The following RARB variants were observed in gnomAD, a reference collection of about 807,000 sequenced individuals.
RARB encodes the protein retinoic acid receptor beta, also known as HBV-activated protein.
A neutral mutation model predicts 51.9 loss-of-function variants in RARB; 17 were observed. The ratio of observed to expected loss-of-function variants is 0.33; its 90% confidence interval spans 0.22 to 0.49. The LOEUF (loss-of-function observed/expected upper bound fraction) is 0.49, where lower values mean the gene tolerates loss of function less well. Among genes scored for constraint, RARB ranks in the 20% least tolerant of loss-of-function variants. The probability of loss-of-function intolerance (pLI) is 0.99; values close to 1 mark genes in which losing one functional copy is unlikely to be tolerated. For missense variants in RARB, 369 were observed against 550.8 expected (o/e 0.67, Z 3.30); for synonymous variants, 215 against 195.4 (o/e 1.10, Z -0.84).
chr3:25,031,484 G>A (rs1697875242), intron 2 of RARB, among the ~76,000 whole-genome samples: 1 of 152,158 alleles, frequency 6.6e-6, no homozygotes, highest in Non-Finnish European at 1.5e-5. Flanking sequence ...GACACATTTT[G>A]CTGATGTCTG....
At chr3:25,086,247 C>T (rs1191381397) in intron 3 of RARB, among the ~76,000 whole-genome samples, 4 of 152,238 alleles carry the variant, frequency 2.6e-5, no homozygotes, top group South Asian at 2.1e-4. Context: ...ACCAGAAGAA[C>T]GTGCAATGGG....
chr3:25,048,647 G>A (rs1327828843), intron 2 of RARB, among the ~76,000 whole-genome samples: 1 of 151,250 alleles, frequency 6.6e-6, no homozygotes. Flanking sequence ...CTTAATTTCA[G>A]ATTTCTTTGG....
intron 1 of RARB, among the ~76,000 whole-genome samples, chr3:25,441,928 A>G (rs1442834863): frequency 6.6e-6 from 1 of 152,108 alleles, no homozygotes; most frequent in Non-Finnish European, 1.5e-5. Context: ...GTATGTTCTA[A>G]TAAACAACCC....
intron 2 of RARB, among the ~76,000 whole-genome samples, chr3:25,031,501 A>T (rs2125290207): frequency 1.3e-5 from 2 of 152,198 alleles, no homozygotes; most frequent in East Asian, 3.9e-4. Context: ...TCTGGAGTAG[A>T]GAATTGCAGA....
chr3:24,924,163 C>T (rs554036173), intron 2 of RARB, among the ~76,000 whole-genome samples: 11 of 152,194 alleles, frequency 7.2e-5, no homozygotes, highest in Admixed American at 2.6e-4. Flanking sequence ...AGTTTGGAAT[C>T]GGCTTCTTAA....
At chr3:25,088,521 G>C (rs1242182336) in intron 3 of RARB, among the ~76,000 whole-genome samples, 1 of 152,126 alleles carries the variant, frequency 6.6e-6, no homozygotes, top group Non-Finnish European at 1.5e-5. Flanking sequence ...AGAAATCCAT[G>C]TAGTGGAGCA....
chr3:25,372,308 T>A (rs1310049991), intron 5 of RARB, among the ~76,000 whole-genome samples: 1 of 152,168 alleles, frequency 6.6e-6, no homozygotes. Context: ...TTCTACCCAC[T>A]AGATGCCACG....
intron 2 of RARB, among the ~76,000 whole-genome samples, chr3:25,494,903 C>T (rs1173254825): frequency 1.3e-5 from 2 of 152,298 alleles, no homozygotes; most frequent in East Asian, 1.9e-4. Flanking sequence ...TCACTGGACG[C>T]CTGCTATGTG....
intron 2 of RARB, among the ~76,000 whole-genome samples, chr3:25,005,042 T>A (rs1034509127): frequency 6.6e-6 from 1 of 152,156 alleles, no homozygotes; most frequent in African/African-American, 2.4e-5. Context: ...TAAAATTTAT[T>A]CAGAATTTTG....
At chr3:25,075,256 T>C (rs1234286302) in intron 3 of RARB, among the ~76,000 whole-genome samples, 1 of 152,204 alleles carries the variant, frequency 6.6e-6, no homozygotes, top group Non-Finnish European at 1.5e-5. Flanking sequence ...TATTTTTCCA[T>C]GCAGATCCAG....
intron 3 of RARB, among the ~76,000 whole-genome samples, chr3:25,502,611 A>G (rs1401243668): frequency 6.6e-6 from 1 of 152,210 alleles, no homozygotes; most frequent in African/African-American, 2.4e-5. Context: ...CACTCAGTCA[A>G]TTAAAGCCAA....
chr3:25,107,928 T>C (rs6550949), intron 3 of RARB, among the ~76,000 whole-genome samples: 1 of 151,986 alleles, frequency 6.6e-6, no homozygotes, highest in Non-Finnish European at 1.5e-5. Flanking sequence ...GGAAGCACTT[T>C]ATAGCTTCTC....
chr3:25,317,336 T>A (rs1704454623), intron 5 of RARB, among the ~76,000 whole-genome samples: 1 of 152,062 alleles, frequency 6.6e-6, no homozygotes, highest in Non-Finnish European at 1.5e-5. Context: ...AATAAGGACA[T>A]ACAAATGGGA....
intron 2 of RARB, among the ~76,000 whole-genome samples, chr3:25,051,748 G>A (rs1698337385): frequency 6.6e-6 from 1 of 152,150 alleles, no homozygotes; most frequent in Non-Finnish European, 1.5e-5. Flanking sequence ...CATAAGTACA[G>A]AGAGAAAGGG....
chr3:25,005,629 A>T (rs1333626910), intron 2 of RARB, among the ~76,000 whole-genome samples: 2 of 152,106 alleles, frequency 1.3e-5, no homozygotes, highest in African/African-American at 2.4e-5. Context: ...GAAGCCACAA[A>T]CCGTCATCTC....
intron 2 of RARB, among the ~76,000 whole-genome samples, chr3:25,022,011 A>C (rs1001452923): frequency 1.3e-5 from 2 of 152,214 alleles, no homozygotes; most frequent in African/African-American, 4.8e-5. Flanking sequence ...TAGACTCTAG[A>C]GGGCAACAGA....
At chr3:25,413,802 C>G (rs779874603) in intron 5 of RARB, among the ~76,000 whole-genome samples, 2 of 152,200 alleles carry the variant, frequency 1.3e-5, no homozygotes, top group African/African-American at 2.4e-5. Flanking sequence ...CTGCAACACA[C>G]TGGCATGGTC....
At chr3:25,196,680 C>G (rs1701247488) in intron 5 of RARB, among the ~76,000 whole-genome samples, 2 of 152,252 alleles carry the variant, frequency 1.3e-5, no homozygotes, top group East Asian at 1.9e-4. Flanking sequence ...AGTTTACAGT[C>G]CCACCAACAG....
chr3:25,287,130 T>C (rs1415693213), intron 5 of RARB, among the ~76,000 whole-genome samples: 1 of 152,216 alleles, frequency 6.6e-6, no homozygotes, highest in Non-Finnish European at 1.5e-5. Context: ...TGATACAGGT[T>C]TTATAACTTG....
Sources: gnomAD v4.1 joint callset for allele counts (sites outside exome capture counted in the v4.1 genomes callset) on GRCh38, gnomAD v4.1.1 for gene constraint, MANE v1.5 for transcripts, NCBI Gene and HGNC (gene_info 2026-07-23, HGNC 2026-07-21) for gene names.